Variants in PDE1C observed in about 807,000 individuals in gnomAD.
The protein encoded by PDE1C is phosphodiesterase 1C.
In PDE1C, 62 loss-of-function variants were observed where a neutral mutation model predicts 93.1. The ratio of observed to expected loss-of-function variants is 0.67; its 90% CI spans 0.54 to 0.82. The LOEUF (loss-of-function observed/expected upper bound fraction) is 0.82. Among genes scored for constraint, PDE1C ranks in the 40% least tolerant of loss-of-function variants. PDE1C has a pLI of 0.00. For synonymous variants in PDE1C, 325 were observed against 310.1 expected (o/e 1.05, Z -0.50); for missense variants, 742 against 884.6 (o/e 0.84, Z 2.04).
At position 31,924,042 on chromosome 7, in the gene PDE1C, A is replaced by G. The variant is rs111724288; in HGVS notation, c.129-43182T>C. 5.5e-3 allele frequency among the ~76,000 whole-genome samples: 842 copies of G among 152,326 alleles called. 9 individuals are homozygous for G. The highest frequency in any genetic ancestry group is 0.019 in the African/African-American group (784 of 41,582). On this transcript the variant is annotated intron_variant, in intron 2 of 17. Coordinates refer to ENST00000396191, the MANE Select transcript of PDE1C (RefSeq NM_001191057.4). ...AACCAATAGAAACTTGAGTTTTAAA[A>G]TCCTGATGTGAGGTTTCTATCATTT...
intron 16 of PDE1C, among the ~76,000 whole-genome samples, chr7:31,794,614 A>T (rs951896129): frequency 6.6e-6 from 1 of 151,998 alleles, no homozygotes; most frequent in African/African-American, 2.4e-5. Context: ...AAAACACTGA[A>T]CTCTCTAAAT....
chr7:31,962,910 A>G (rs142458609), intron 2 of PDE1C, among the ~76,000 whole-genome samples: 1 of 152,316 alleles, frequency 6.6e-6, no homozygotes, highest in Non-Finnish European at 1.5e-5. Flanking sequence ...TGAACACATC[A>G]AAAGGCTTCT....
intron 9 of PDE1C, among the ~76,000 whole-genome samples, chr7:31,842,925 T>C (rs946353216): frequency 1.3e-5 from 2 of 151,956 alleles, no homozygotes; most frequent in African/African-American, 4.8e-5. Flanking sequence ...ATTTTTAATA[T>C]ATTGCATTTT....
chr7:31,685,123 G>GA, the PDE1C span, among the ~76,000 whole-genome samples: 2,673 of 140,924 alleles, frequency 0.019, 35 homozygotes, highest in Middle Eastern at 0.041. Flanking sequence ...AATGCTGAGT[G>GA]AAAAAAAAAA....
At chr7:31,979,257 C>T (rs149889015) in intron 2 of PDE1C, among the ~76,000 whole-genome samples, 1 of 152,252 alleles carries the variant, frequency 6.6e-6, no homozygotes, top group African/African-American at 2.4e-5. Context: ...TACACAGACA[C>T]AAGTTCTTAT....
intron 11 of PDE1C, among the ~76,000 whole-genome samples, chr7:31,832,496 A>G (rs1790543288): frequency 6.6e-6 from 1 of 152,206 alleles, no homozygotes; most frequent in Admixed American, 6.5e-5. Context: ...TTTAAAATGT[A>G]ACCCAACTTT....
intron 17 of PDE1C, among the ~76,000 whole-genome samples, chr7:31,773,708 C>G (rs560503186): frequency 6.6e-6 from 1 of 152,134 alleles, no homozygotes; most frequent in South Asian, 2.1e-4. Flanking sequence ...TAGTCGTAAA[C>G]TAAATGGGAG....
chr7:32,427,156 T>C (rs1785549316), intron 1 of PDE1C, among the ~76,000 whole-genome samples: 1 of 152,248 alleles, frequency 6.6e-6, no homozygotes, highest in African/African-American at 2.4e-5. Flanking sequence ...CTGGTTCATG[T>C]GTAATACGGA....
intron 3 of PDE1C, among the ~76,000 whole-genome samples, chr7:32,118,381 A>G (rs1259285206): frequency 6.6e-6 from 1 of 152,214 alleles, no homozygotes; most frequent in Admixed American, 6.5e-5. Flanking sequence ...GAGAGGAAAA[A>G]GCCCCAATAA....
At chr7:32,185,864 T>C (rs546580054) in intron 2 of PDE1C, among the ~76,000 whole-genome samples, 6 of 152,356 alleles carry the variant, frequency 3.9e-5, no homozygotes, top group African/African-American at 1.4e-4. Flanking sequence ...AGCTGCTGTA[T>C]TGCATAGCAC....
downstream of PDE1C, among the ~76,000 whole-genome samples, chr7:31,749,650 C>A (rs78655549): frequency 0.078 from 11,883 of 151,806 alleles, 1,038 homozygotes; most frequent in African/African-American, 0.22. Context: ...CGAGAAGATG[C>A]AGACAAATCG....
rs760370277 is a variant in PDE1C at position 32,176,279 on chromosome 7, T to C, written c.137-6323A>G. ...AGCTGATAAGGAGTGATTTCCAAGA[T>C]CCATTATAAGTGAAAAAAAAACCGC... On this transcript the variant is annotated intron_variant, in intron 2 of 18. Transcript: ENST00000396193. 4.6e-5 allele frequency among the ~76,000 whole-genome samples: 7 copies of C among 151,980 alleles called. No individual in the cohort carries two copies. The South Asian group carries it at 1.0e-3, about 23-fold the overall frequency.
At chr7:32,421,624 G>T (rs1785434389) in intron 1 of PDE1C, among the ~76,000 whole-genome samples, 1 of 152,190 alleles carries the variant, frequency 6.6e-6, no homozygotes, top group East Asian at 1.9e-4. Flanking sequence ...ACACCAGGCT[G>T]CCTGGAAGAA....
At chr7:31,843,408 GTATCTTT>G (rs1792163329) in intron 9 of PDE1C, among the ~76,000 whole-genome samples, 1 of 151,790 alleles carries the variant, frequency 6.6e-6, no homozygotes, top group Non-Finnish European at 1.5e-5. Flanking sequence ...TATGACTGAT[GTATCTTT>G]CTGATGACAC....
chr7:32,357,379 G>A (rs968607334), intron 1 of PDE1C, among the ~76,000 whole-genome samples: 10 of 151,838 alleles, frequency 6.6e-5, no homozygotes, highest in African/African-American at 2.4e-4. Flanking sequence ...GCTGAACAGT[G>A]TGCAATTCAG....
intron 1 of PDE1C, among the ~76,000 whole-genome samples, chr7:32,406,549 AT>A (rs1188006521): frequency 6.9e-4 from 97 of 140,654 alleles, no homozygotes; most frequent in African/African-American, 2.3e-3. Context: ...AAAAAAAAAA[AT>A]TGGAATCCAG....
At chr7:32,310,904 G>C (rs575689340) in intron 1 of PDE1C, among the ~76,000 whole-genome samples, 1 of 152,112 alleles carries the variant, frequency 6.6e-6, no homozygotes, top group Admixed American at 6.5e-5. Context: ...ACTAAAATTA[G>C]AGCAGAACTG....
At chr7:32,330,527 A>G (rs1423175201) in intron 1 of PDE1C, among the ~76,000 whole-genome samples, 1 of 152,244 alleles carries the variant, frequency 6.6e-6, no homozygotes, top group African/African-American at 2.4e-5. Flanking sequence ...CCCTGAGGAC[A>G]TGGCCTCAAT....
the PDE1C span, among the ~76,000 whole-genome samples, chr7:31,688,658 G>A: frequency 8.5e-5 from 13 of 152,300 alleles, no homozygotes; most frequent in East Asian, 2.3e-3. Context: ...AGTGGTATTT[G>A]CATTTACAAG....
Sources: allele counts gnomAD v4.1 joint callset (sites outside exome capture counted in the v4.1 genomes callset), GRCh38; gene constraint gnomAD v4.1.1; transcripts MANE v1.5; gene names NCBI Gene and HGNC (gene_info 2026-07-23, HGNC 2026-07-21).